The following ATE1 variants were observed in gnomAD, a reference collection of about 807,000 sequenced individuals.
The protein encoded by ATE1 is arginyltransferase 1, also known as arginyl-tRNA--protein transferase 1.
ATE1 carries 36 observed loss-of-function variants against 70.5 expected under a neutral mutation model. The observed-to-expected ratio is 0.51, with a 90% confidence interval of 0.39 to 0.67. The LOEUF is 0.67. Among genes scored for constraint, ATE1 ranks in the 30% least tolerant of loss-of-function variants. The pLI, the probability that ATE1 is intolerant of heterozygous loss-of-function variation, is 0.00. For synonymous variants in ATE1, 232 were observed against 219.3 expected, an observed-to-expected ratio of 1.06 and a Z score of -0.51; for missense variants, 593 against 629.5, an observed-to-expected ratio of 0.94 and a Z score of 0.62.
At chr10:121,771,070 CTTTAT>C (rs1426313882) in intron 11 of ATE1, among the ~76,000 whole-genome samples, 2 of 152,030 alleles carry the variant, frequency 1.3e-5, no homozygotes, top group Admixed American at 6.6e-5. Context: ...TCTCTCTCTA[CTTTAT>C]TTATTTATTT....
chr10:121,765,959 C>G (rs375189633), intron 11 of ATE1, among the ~76,000 whole-genome samples: 1 of 152,138 alleles, frequency 6.6e-6, no homozygotes, highest in East Asian at 1.9e-4. Flanking sequence ...ATATCAATTT[C>G]AGAAGATCAG....
chr10:121,771,676 A>C (rs1009651130), intron 11 of ATE1, among the ~76,000 whole-genome samples: 3 of 152,216 alleles, frequency 2.0e-5, no homozygotes. Flanking sequence ...TATTTTATGC[A>C]AACAAATTAG....
intron 10 of ATE1, among the ~76,000 whole-genome samples, chr10:121,804,769 A>G (rs1261260868): frequency 6.6e-6 from 1 of 150,982 alleles, no homozygotes; most frequent in Non-Finnish European, 1.5e-5. Context: ...CTGAAGATAT[A>G]TAATGTGTTT....
intron 10 of ATE1, among the ~76,000 whole-genome samples, chr10:121,794,338 G>T (rs1159227622): frequency 1.3e-5 from 2 of 152,056 alleles, no homozygotes; most frequent in Non-Finnish European, 2.9e-5. Context: ...CATGAATAAG[G>T]AAACACTAAT....
chr10:121,784,597 C>T (rs1403493293), intron 11 of ATE1, among the ~76,000 whole-genome samples: 9 of 152,206 alleles, frequency 5.9e-5, no homozygotes, highest in Admixed American at 5.9e-4. Flanking sequence ...GTGGCTCACG[C>T]CTGTGATCCC....
chr10:121,813,785 C>T (rs1263872934), intron 10 of ATE1, among the ~76,000 whole-genome samples: 1 of 152,232 alleles, frequency 6.6e-6, no homozygotes, highest in Non-Finnish European at 1.5e-5. Flanking sequence ...CTGCTATTCA[C>T]TGGCTCTGCT....
chr10:121,922,418 T>C lies in ATE1; in HGVS notation c.171-7A>G. ...GTACACATATTTTCCACTTCTAAAA[T>C]TATAAAAATAGTTTGTTAATGTCTT... On this transcript the variant is annotated splice_region_variant and splice_polypyrimidine_tract_variant and intron_variant, in intron 2 of 11. Transcript: ENST00000224652. The C allele has an allele frequency of 6.4e-7, 1 of 1,569,970 alleles. No individual in the cohort carries two copies. The highest frequency in any genetic ancestry group is 8.7e-7 in the Non-Finnish European group (1 of 1,144,170).
Position 121,741,927 on chromosome 10 carries a change from C to G in ATE1, c.*1753G>C, listed in dbSNP as rs1944160290. The G allele has an allele frequency of 6.6e-6, 1 of 152,118 alleles. No homozygotes were observed. Among genetic ancestry groups the G allele is most frequent in the Non-Finnish European group, 1.5e-5 (1 of 68,024 alleles). 9.4% of individuals were successfully genotyped at this position (152,118 alleles called of 1,614,324 possible). On this transcript the variant is annotated 3_prime_UTR_variant, in exon 12 of 12. Coordinates refer to ENST00000224652, the MANE Select transcript of ATE1 (RefSeq NM_001001976.3). ...TTATTTATACTTCTTAATGTTCTAA[C>G]TGCTTACAGTGTCACTTTTGTTATA...
chr10:121,759,662 T>C (rs1944954076), intron 11 of ATE1, among the ~76,000 whole-genome samples: 1 of 149,106 alleles, frequency 6.7e-6, no homozygotes, highest in African/African-American at 2.5e-5. Flanking sequence ...AGGCAGAGCT[T>C]GCAGTGGGCC....
At chr10:121,788,997 G>A (rs539753986) in intron 11 of ATE1, among the ~76,000 whole-genome samples, 10 of 152,188 alleles carry the variant, frequency 6.6e-5, no homozygotes, top group Non-Finnish European at 1.2e-4. Flanking sequence ...AAAACTGCAC[G>A]ATTTTGCAGA....
chr10:121,805,854 A>G (rs957501670), intron 10 of ATE1, among the ~76,000 whole-genome samples: 4 of 152,210 alleles, frequency 2.6e-5, no homozygotes, highest in African/African-American at 9.6e-5. Context: ...ATGACTATTT[A>G]TATTATACAT....
At chr10:121,806,110 T>C (rs1013267070) in intron 10 of ATE1, among the ~76,000 whole-genome samples, 1 of 152,120 alleles carries the variant, frequency 6.6e-6, no homozygotes, top group Admixed American at 6.5e-5. Flanking sequence ...TCTTCAAAAC[T>C]GTTGATGTCA....
chr10:121,763,458 T>C (rs1252631010), intron 11 of ATE1, among the ~76,000 whole-genome samples: 1 of 152,042 alleles, frequency 6.6e-6, no homozygotes, highest in African/African-American at 2.4e-5. Context: ...CATAAAGATA[T>C]GGGGGAACTT....
At chr10:121,825,863 G>A (rs1357302652) in intron 10 of ATE1, among the ~76,000 whole-genome samples, 3 of 152,192 alleles carry the variant, frequency 2.0e-5, no homozygotes, top group Non-Finnish European at 4.4e-5. Context: ...GTCTCAAAGA[G>A]ATATTTGTAC....
intron 8 of ATE1, among the ~76,000 whole-genome samples, chr10:121,852,896 A>C (rs1949108093): frequency 6.6e-6 from 1 of 152,194 alleles, no homozygotes; most frequent in Admixed American, 6.5e-5. Flanking sequence ...AGTTTTAGAT[A>C]AGTTACTTAA....
At chr10:121,854,571 GCTCA>G (rs1949175530) in intron 8 of ATE1, among the ~76,000 whole-genome samples, 1 of 152,018 alleles carries the variant, frequency 6.6e-6, no homozygotes. Flanking sequence ...CTCTAACTTT[GCTCA>G]CTGTTTCTCT....
chr10:121,921,692 G>C (rs994700581), intron 3 of ATE1, among the ~76,000 whole-genome samples: 1 of 152,048 alleles, frequency 6.6e-6, no homozygotes, highest in African/African-American at 2.4e-5. Flanking sequence ...GGGTTGCTTG[G>C]CAACGGTCAT....
chr10:121,778,929 C>G (rs758033718), intron 11 of ATE1, among the ~76,000 whole-genome samples: 1 of 152,054 alleles, frequency 6.6e-6, no homozygotes, highest in Non-Finnish European at 1.5e-5. Context: ...TGCTAAAAAA[C>G]GTGGATGTTG....
At chr10:121,906,119 A>G (rs933255507) in intron 5 of ATE1, among the ~76,000 whole-genome samples, 1 of 152,182 alleles carries the variant, frequency 6.6e-6, no homozygotes, top group Non-Finnish European at 1.5e-5. Flanking sequence ...CAAGCTAGCC[A>G]TGATGGCTCA....
Sources: gnomAD v4.1 joint callset for allele counts (sites outside exome capture counted in the v4.1 genomes callset) on GRCh38, gnomAD v4.1.1 for gene constraint, MANE v1.5 for transcripts, NCBI Gene and HGNC (gene_info 2026-07-23, HGNC 2026-07-21) for gene names.